ZC3H12B: variants seen among roughly 807,000 people sequenced by gnomAD.
The protein encoded by ZC3H12B is probable ribonuclease ZC3H12B.
ZC3H12B carries 7 observed loss-of-function variants against 43.9 expected under a neutral mutation model. The observed-to-expected ratio is 0.16, with a 90% CI of 0.09 to 0.30. The LOEUF (loss-of-function observed/expected upper bound fraction) is 0.30, where lower values mean the gene tolerates loss of function less well. Ranked by LOEUF, ZC3H12B falls within the 10% of genes least tolerant of loss-of-function variation. The pLI is 1.00. For synonymous variants in ZC3H12B, 222 were observed against 241.7 expected, an observed-to-expected ratio of 0.92 and a Z score of 0.76; for missense variants, 475 against 670.2, an observed-to-expected ratio of 0.71 and a Z score of 3.22.
the ZC3H12B span, among the ~76,000 whole-genome samples, chrX:65,263,765 G>A: frequency 1.8e-5 from 2 of 111,135 alleles, no homozygotes; most frequent in African/African-American, 6.5e-5. Flanking sequence ...ATTCCTTAAA[G>A]AACTTAAAGT....
the ZC3H12B span, among the ~76,000 whole-genome samples, chrX:65,190,579 T>C: frequency 2.8e-5 from 3 of 106,236 alleles, no homozygotes; most frequent in Non-Finnish European, 3.9e-5. Flanking sequence ...GGGAGTTCAC[T>C]CATGATTTGG....
At chrX:65,436,667 C>T (rs2067225309) in intron 3 of ZC3H12B, among the ~76,000 whole-genome samples, 1 of 111,554 alleles carries the variant, frequency 9.0e-6, no homozygotes, top group Non-Finnish European at 1.9e-5. Flanking sequence ...ATTCTTGGCC[C>T]TTCACTTTTT....
chrX:65,168,682 G>C, the ZC3H12B span, among the ~76,000 whole-genome samples: 21 of 110,965 alleles, frequency 1.9e-4, no homozygotes, highest in Non-Finnish European at 5.7e-5. Context: ...GACTTTTTTT[G>C]ATTGGTAGGC....
rs770824806 is a variant in ZC3H12B, at chrX:65,383,715, G to T, written n.295+14717G>T. On this transcript the variant is annotated intron_variant and non_coding_transcript_variant, in intron 2 of 5. Coordinates refer to the ZC3H12B transcript ENST00000617377. ...TCACAACCTACTCATCTGACAAAGG[G>T]CTAATATCCAGAATCTACAATGAAC... Among the ~76,000 whole-genome samples the T allele has an allele frequency of 2.3e-3, 257 of 110,777 alleles. 2 individuals carry two copies. Among genetic ancestry groups the T allele is most frequent in the Non-Finnish European group, 4.0e-3 (212 of 52,866 alleles).
At chrX:65,105,403 C>T in the ZC3H12B span, among the ~76,000 whole-genome samples, 8 of 111,175 alleles carry the variant, frequency 7.2e-5, no homozygotes, top group Non-Finnish European at 1.1e-4. Flanking sequence ...AGATATATCC[C>T]AGAACTTAAA....
intron 3 of ZC3H12B, among the ~76,000 whole-genome samples, chrX:65,452,393 C>G (rs1364358933): frequency 6.5e-5 from 7 of 107,816 alleles, no homozygotes; most frequent in Non-Finnish European, 1.9e-5. Context: ...CATCAGCAAC[C>G]AAGCTGAGAA....
chrX:65,334,798 T>A, the ZC3H12B span, among the ~76,000 whole-genome samples: 1 of 111,864 alleles, frequency 8.9e-6, no homozygotes, highest in Admixed American at 9.5e-5. Flanking sequence ...GTCCCATTTT[T>A]ATATCAAATC....
the ZC3H12B span, among the ~76,000 whole-genome samples, chrX:65,326,047 T>A: frequency 2.7e-5 from 3 of 111,453 alleles, no homozygotes; most frequent in Admixed American, 1.9e-4. Context: ...TTATAAAAAA[T>A]TAACTCAAAA....
At chrX:65,501,487 T>C in intron 4 of ZC3H12B, among the ~76,000 whole-genome samples, 1 of 110,737 alleles carries the variant, frequency 9.0e-6, no homozygotes, top group East Asian at 2.8e-4. Flanking sequence ...ACTCCTGGGC[T>C]AAAGTGATTC....
the ZC3H12B span, among the ~76,000 whole-genome samples, chrX:65,250,117 T>C: frequency 1.8e-5 from 2 of 110,034 alleles, no homozygotes; most frequent in Middle Eastern, 4.6e-3. Context: ...CCCCAGTGTG[T>C]GATGTTCCCC....
the ZC3H12B span, among the ~76,000 whole-genome samples, chrX:65,199,979 C>G: frequency 9.0e-6 from 1 of 110,730 alleles, no homozygotes; most frequent in Non-Finnish European, 1.9e-5. Context: ...AATGGCATTT[C>G]TGGGTTAAAT....
At chrX:65,107,086 A>G in the ZC3H12B span, among the ~76,000 whole-genome samples, 37 of 111,335 alleles carry the variant, frequency 3.3e-4, no homozygotes, top group Admixed American at 3.3e-3. Context: ...AGTTTAAAAA[A>G]GAAGAGGTGA....
At chrX:65,099,410 C>T in the ZC3H12B span, among the ~76,000 whole-genome samples, 1 of 111,509 alleles carries the variant, frequency 9.0e-6, no homozygotes, top group East Asian at 2.8e-4. Context: ...AAGTGGGTCC[C>T]TGACCACCGT....
intron 3 of ZC3H12B, among the ~76,000 whole-genome samples, chrX:65,472,848 A>ATGTTTGTGTATATATATGTT (rs2067937686): frequency 1.3e-5 from 1 of 78,280 alleles, no homozygotes; most frequent in African/African-American, 7.9e-5. Context: ...ATATATATAT[A>ATGTTTGTGTATATATATGTT]TATATATATA....
At chrX:65,354,108 G>A in the ZC3H12B span, among the ~76,000 whole-genome samples, 2 of 112,162 alleles carry the variant, frequency 1.8e-5, no homozygotes, top group Non-Finnish European at 1.9e-5. Flanking sequence ...CACAGCGCTC[G>A]AGCTCTGCTA....
chrX:65,396,150 T>C (rs1299009002), intron 2 of ZC3H12B, among the ~76,000 whole-genome samples: 1 of 111,730 alleles, frequency 9.0e-6, no homozygotes, highest in African/African-American at 3.3e-5. Context: ...GATTCATGGA[T>C]TTTTGAAGGG....
intron 3 of ZC3H12B, among the ~76,000 whole-genome samples, chrX:65,451,567 C>T (rs2067513245): frequency 9.0e-6 from 1 of 111,148 alleles, no homozygotes; most frequent in South Asian, 3.8e-4. Flanking sequence ...CTTTTGAACT[C>T]AGCCTTAAGT....
At chrX:65,381,669 G>A (rs1477726390) in intron 2 of ZC3H12B, among the ~76,000 whole-genome samples, 3 of 111,561 alleles carry the variant, frequency 2.7e-5, no homozygotes, top group Admixed American at 9.5e-5. Flanking sequence ...CCAGGAGCTG[G>A]TTTTTTGAAA....
the ZC3H12B span, among the ~76,000 whole-genome samples, chrX:65,176,483 C>T: frequency 9.0e-6 from 1 of 111,605 alleles, no homozygotes; most frequent in African/African-American, 3.3e-5. Flanking sequence ...AGTGTTCCTG[C>T]CTGGCAGCTC....
Sources: allele counts gnomAD v4.1 joint callset (sites outside exome capture counted in the v4.1 genomes callset), GRCh38; gene constraint gnomAD v4.1.1; transcripts MANE v1.5; gene names NCBI Gene and HGNC (gene_info 2026-07-23, HGNC 2026-07-21).